Variants in LRP1B observed in about 807,000 individuals in gnomAD.
The protein encoded by LRP1B is LDL receptor related protein 1B.
In LRP1B, 217 loss-of-function variants were observed where a neutral mutation model predicts 556.6. The ratio of observed to expected loss-of-function variants is 0.39; its 90% CI spans 0.35 to 0.44. The LOEUF is 0.44. Ranked by LOEUF, LRP1B falls within the 20% of genes least tolerant of loss-of-function variation. LRP1B has a pLI of 1.00. For missense variants in LRP1B, 5,053 were observed against 5,620.8 expected, an observed-to-expected ratio of 0.90 and a Z score of 3.23; for synonymous variants, 2,047 against 1,865.8, an observed-to-expected ratio of 1.10 and a Z score of -2.50.
At position 140,801,582 on chromosome 2, in the gene LRP1B, ATTTT is replaced by A. The variant is rs10545209; in HGVS notation, c.5359+12071_5359+12074del. 1.3e-3 allele frequency among the ~76,000 whole-genome samples: 190 copies of A among 147,006 alleles called. 1 individual carries two copies. The highest frequency in any genetic ancestry group is 4.0e-3 in the East Asian group (20 of 5,012). On this transcript the variant is annotated intron_variant, in intron 32 of 90. Transcript: ENST00000389484. Reference sequence around the variant, plus strand: ...GACAGGGTTTTAACAAATCTTACTAATTTTTTTTTTTTTTTTGTCTATAATGTGA... The same window carrying A: ...GACAGGGTTTTAACAAATCTTACTAATTTTTTTTTTTTGTCTATAATGTGA...
intron 35 of LRP1B, among the ~76,000 whole-genome samples, chr2:140,721,536 CTTTTTTTTTTTTTTTTTTTT>C (rs10616730): frequency 8.6e-5 from 6 of 69,570 alleles, no homozygotes. Context: ...CAAAGATGCA[CTTTTTTTTTTTTTTTTTTTT>C]TTTTTTTTTG....
At chr2:141,196,357 AC>A (rs1390313024) in intron 6 of LRP1B, among the ~76,000 whole-genome samples, 1 of 152,116 alleles carries the variant, frequency 6.6e-6, no homozygotes, top group Non-Finnish European at 1.5e-5. Context: ...ATATAACTTA[AC>A]GACTTTCTGC....
chr2:141,407,653 T>C (rs970306235), intron 3 of LRP1B, among the ~76,000 whole-genome samples: 1 of 152,144 alleles, frequency 6.6e-6, no homozygotes, highest in African/African-American at 2.4e-5. Context: ...CCATGTGGCA[T>C]GCTTGTTCTC....
chr2:141,311,668 G>C (rs928459203), intron 3 of LRP1B, among the ~76,000 whole-genome samples: 40 of 152,300 alleles, frequency 2.6e-4, no homozygotes, highest in Non-Finnish European at 2.4e-4. Context: ...AGAGATCTGA[G>C]TTGACAGGCA....
At chr2:141,526,158 G>A (rs1393888786) in intron 2 of LRP1B, among the ~76,000 whole-genome samples, 4 of 151,928 alleles carry the variant, frequency 2.6e-5, no homozygotes, top group South Asian at 4.1e-4. Context: ...TTACAGAAAC[G>A]TTGTTTTACC....
chr2:140,486,217 G>A (rs1688464668), intron 58 of LRP1B, among the ~76,000 whole-genome samples: 1 of 151,850 alleles, frequency 6.6e-6, no homozygotes, highest in African/African-American at 2.4e-5. Flanking sequence ...AATAAAACTT[G>A]AAGCTATATA....
intron 5 of LRP1B, among the ~76,000 whole-genome samples, chr2:141,243,039 A>G (rs978928737): frequency 4.6e-5 from 7 of 152,134 alleles, no homozygotes; most frequent in African/African-American, 1.7e-4. Flanking sequence ...CATATTTGAC[A>G]AGTCATTACT....
At chr2:141,826,180 A>G (rs182530941) in intron 1 of LRP1B, among the ~76,000 whole-genome samples, 35 of 151,970 alleles carry the variant, frequency 2.3e-4, no homozygotes, top group African/African-American at 7.7e-4. Flanking sequence ...TATTCTATAT[A>G]GAAAAAATAT....
At chr2:141,403,888 C>T (rs1690535226) in intron 3 of LRP1B, among the ~76,000 whole-genome samples, 1 of 152,128 alleles carries the variant, frequency 6.6e-6, no homozygotes, top group Admixed American at 6.6e-5. Flanking sequence ...CACAGTTACA[C>T]TGCCCTACTT....
intron 31 of LRP1B, among the ~76,000 whole-genome samples, chr2:140,838,337 T>C (rs1691985702): frequency 6.6e-6 from 1 of 152,200 alleles, no homozygotes; most frequent in South Asian, 2.1e-4. Flanking sequence ...CTTGTTTCTT[T>C]TGTTCTATCA....
chr2:140,245,233 T>TCTTTA (rs1681099642), intron 87 of LRP1B, among the ~76,000 whole-genome samples: 1 of 151,370 alleles, frequency 6.6e-6, no homozygotes, highest in Non-Finnish European at 1.5e-5. Flanking sequence ...TATTTGATGT[T>TCTTTA]CTTTACTTTA....
At chr2:141,159,295 G>T (rs1379354330) in intron 7 of LRP1B, among the ~76,000 whole-genome samples, 1 of 152,170 alleles carries the variant, frequency 6.6e-6, no homozygotes, top group Non-Finnish European at 1.5e-5. Flanking sequence ...GAGGAGGAAA[G>T]AATTGGAAGG....
At chr2:140,960,151 G>A (rs1695992588) in intron 18 of LRP1B, among the ~76,000 whole-genome samples, 1 of 151,662 alleles carries the variant, frequency 6.6e-6, no homozygotes, top group Admixed American at 6.6e-5. Context: ...TCTTGACTCT[G>A]CTCAGGCTAC....
At chr2:140,283,345 A>G (rs918474858) in intron 84 of LRP1B, among the ~76,000 whole-genome samples, 1 of 151,794 alleles carries the variant, frequency 6.6e-6, no homozygotes, top group Non-Finnish European at 1.5e-5. Context: ...GCTGTGTTTA[A>G]TAAAGTAGGC....
In LRP1B at chr2:141,496,500, G is replaced by A. The variant is rs576916174; in HGVS notation, c.206-15967C>T. Among the ~76,000 whole-genome samples the A allele has an allele frequency of 9.2e-5, 14 of 152,094 alleles. No individual in the cohort carries two copies. In the South Asian group the frequency reaches 2.5e-3, roughly 27 times the overall value. ...CTCAGTGCCCATTTTCTGGAAATAC[G>A]TTCATTGAAATCGAGCTCCTAAACA... On this transcript the variant is annotated intron_variant, in intron 2 of 90. Transcript: ENST00000389484.
chr2:141,864,584 T>C (rs1043940257), intron 1 of LRP1B, among the ~76,000 whole-genome samples: 28 of 149,950 alleles, frequency 1.9e-4, no homozygotes, highest in East Asian at 3.9e-4. Flanking sequence ...AAAAAACTTA[T>C]GAAACTGGAG....
At chr2:141,464,606 A>ATATATATATATAT in intron 3 of LRP1B, among the ~76,000 whole-genome samples, 1 of 90,544 alleles carries the variant, frequency 1.1e-5, no homozygotes, top group African/African-American at 4.3e-5. Context: ...ATATATATAT[A>ATATATATATATAT]TTTTTTTAGT....
rs144552995 is a variant in LRP1B at position 140,747,854 on chromosome 2, T to C, written c.5758+21359A>G. Reference sequence around the variant, plus strand: ...AGTAACTCTGAAAGTGTGTAAAGCATTGAAATGAGTAAATGACCACATTTT... The same window carrying C: ...AGTAACTCTGAAAGTGTGTAAAGCACTGAAATGAGTAAATGACCACATTTT... On this transcript the variant is annotated intron_variant, in intron 35 of 90. Coordinates refer to ENST00000389484, the MANE Select transcript of LRP1B (RefSeq NM_018557.3). 9.3e-3 allele frequency among the ~76,000 whole-genome samples: 1,416 copies of C among 151,932 alleles called. 31 individuals carry two copies. Among genetic ancestry groups the C allele is most frequent in the Admixed American group, 0.045 (686 of 15,196 alleles).
chr2:140,377,004 T>C (rs1454367184), intron 68 of LRP1B, among the ~76,000 whole-genome samples: 1 of 152,136 alleles, frequency 6.6e-6, no homozygotes, highest in Non-Finnish European at 1.5e-5. Flanking sequence ...GTACATATGC[T>C]TCTCAACCAG....
Sources: allele counts gnomAD v4.1 joint callset (sites outside exome capture counted in the v4.1 genomes callset), GRCh38; gene constraint gnomAD v4.1.1; transcripts MANE v1.5; gene names NCBI Gene and HGNC (gene_info 2026-07-23, HGNC 2026-07-21).